Variants in EPHA6 observed in about 807,000 individuals in gnomAD.
The protein encoded by EPHA6 is ephrin type-A receptor 6.
Under a neutral mutation model 112.0 loss-of-function variants are expected in EPHA6, and 50 were observed. That is an observed-to-expected ratio of 0.45 (90% CI 0.36 to 0.56). EPHA6 has a LOEUF of 0.56. EPHA6 is among the 20% of genes least tolerant of loss of function. EPHA6 has a pLI of 0.00. For missense variants in EPHA6, 1,280 were observed against 1,417.4 expected (o/e 0.90, Z 1.56); for synonymous variants, 529 against 490.7 (o/e 1.08, Z -1.03).
At chr3:97,209,924 T>G (rs542773317) in intron 3 of EPHA6, among the ~76,000 whole-genome samples, 2 of 152,304 alleles carry the variant, frequency 1.3e-5, no homozygotes, top group African/African-American at 4.8e-5. Flanking sequence ...TCTTACTTAT[T>G]TTTTACAGAA....
chr3:97,465,773 A>G (rs2091030421), intron 7 of EPHA6, among the ~76,000 whole-genome samples: 1 of 152,028 alleles, frequency 6.6e-6, no homozygotes, highest in South Asian at 2.1e-4. Flanking sequence ...ACTGATGCCA[A>G]ATAAAGGACA....
chr3:97,443,100 T>C (rs2090195232), intron 6 of EPHA6, among the ~76,000 whole-genome samples: 1 of 152,086 alleles, frequency 6.6e-6, no homozygotes, highest in African/African-American at 2.4e-5. Context: ...TCGTTTATTT[T>C]TGTTTATTTT....
chr3:97,463,858 G>A (rs1937835655), intron 7 of EPHA6, among the ~76,000 whole-genome samples: 1 of 152,068 alleles, frequency 6.6e-6, no homozygotes, highest in South Asian at 2.1e-4. Context: ...CTGTTAGCCA[G>A]GAACTTAAAA....
At chr3:97,619,524 T>A (rs11922979) in intron 13 of EPHA6, among the ~76,000 whole-genome samples, 6,551 of 151,952 alleles carry the variant, frequency 0.043, 598 homozygotes, top group East Asian at 0.4. Context: ...AAGCCCATTG[T>A]CTCAGCCCAA....
chr3:96,970,078 G>T (rs1254532106), intron 2 of EPHA6, among the ~76,000 whole-genome samples: 1 of 151,926 alleles, frequency 6.6e-6, no homozygotes, highest in Non-Finnish European at 1.5e-5. Context: ...AAAGATAAGT[G>T]ATTTTATTGA....
At chr3:97,404,196 T>G (rs2087179739) in intron 5 of EPHA6, among the ~76,000 whole-genome samples, 1 of 152,170 alleles carries the variant, frequency 6.6e-6, no homozygotes, top group African/African-American at 2.4e-5. Flanking sequence ...TATAAATAAA[T>G]ACATAATTTT....
intron 13 of EPHA6, among the ~76,000 whole-genome samples, chr3:97,617,623 G>A (rs1287761532): frequency 6.6e-6 from 1 of 152,040 alleles, no homozygotes; most frequent in African/African-American, 2.4e-5. Context: ...AAAAACCAGG[G>A]TTGCCATCCC....
intron 3 of EPHA6, among the ~76,000 whole-genome samples, chr3:97,060,082 T>C (rs4857235): frequency 0.42 from 64,490 of 151,996 alleles, 16,496 homozygotes; most frequent in African/African-American, 0.72. Context: ...GATCACACCA[T>C]TGCACTCAAG....
intron 2 of EPHA6, among the ~76,000 whole-genome samples, chr3:96,940,924 G>A (rs950924125): frequency 1.3e-5 from 2 of 152,176 alleles, no homozygotes; most frequent in Admixed American, 1.3e-4. Context: ...TTGGATATTA[G>A]TCCCCACTCT....
At chr3:97,381,554 C>A (rs1163864316) in intron 5 of EPHA6, among the ~76,000 whole-genome samples, 3 of 152,016 alleles carry the variant, frequency 2.0e-5, no homozygotes, top group Admixed American at 6.6e-5. Context: ...ACATCACATG[C>A]GGAAAAGTTA....
intron 6 of EPHA6, among the ~76,000 whole-genome samples, chr3:97,435,768 G>C (rs887381707): frequency 1.3e-5 from 2 of 151,932 alleles, no homozygotes; most frequent in African/African-American, 4.8e-5. Flanking sequence ...TTTCCAATTT[G>C]ATTTTAAAAC....
intron 12 of EPHA6, among the ~76,000 whole-genome samples, chr3:97,599,957 T>C (rs1416660522): frequency 1.3e-5 from 2 of 152,164 alleles, no homozygotes; most frequent in African/African-American, 2.4e-5. Context: ...CAGTGGTTTG[T>C]AGTTCTCCTT....
At chr3:97,453,712 AT>A (rs2090595119) in intron 7 of EPHA6, among the ~76,000 whole-genome samples, 1 of 151,738 alleles carries the variant, frequency 6.6e-6, no homozygotes, top group Non-Finnish European at 1.5e-5. Flanking sequence ...CCACTTAATT[AT>A]TTTGAAAATA....
At chr3:97,513,813 A>G (rs2107599084) in intron 10 of EPHA6, among the ~76,000 whole-genome samples, 1 of 152,242 alleles carries the variant, frequency 6.6e-6, no homozygotes, top group East Asian at 1.9e-4. Flanking sequence ...TATAAACATC[A>G]CACTATGCCC....
chr3:97,327,572 C>T (rs759066873), intron 5 of EPHA6, among the ~76,000 whole-genome samples: 2 of 151,440 alleles, frequency 1.3e-5, no homozygotes, highest in African/African-American at 4.8e-5. Flanking sequence ...TGGACAGTAC[C>T]AACACTGCAA....
intron 4 of EPHA6, among the ~76,000 whole-genome samples, chr3:97,242,769 CAG>C (rs1203442030): frequency 6.6e-6 from 1 of 151,724 alleles, no homozygotes; most frequent in Non-Finnish European, 1.5e-5. Flanking sequence ...ACGCTCTAAG[CAG>C]AGTTTCTTGG....
At chr3:97,311,433 A>G (rs1339136548) in intron 5 of EPHA6, among the ~76,000 whole-genome samples, 1 of 138,402 alleles carries the variant, frequency 7.2e-6, no homozygotes, top group Admixed American at 7.5e-5. Context: ...CATCATTTGG[A>G]TTACACTTTC....
chr3:97,696,856 G>C (rs1429378845), intron 14 of EPHA6, among the ~76,000 whole-genome samples: 1 of 152,192 alleles, frequency 6.6e-6, no homozygotes, highest in Admixed American at 6.5e-5. Context: ...AAGACCCACT[G>C]TTGGGAAAGC....
chr3:97,444,349 C>G (rs2090251472), intron 6 of EPHA6, among the ~76,000 whole-genome samples: 1 of 152,020 alleles, frequency 6.6e-6, no homozygotes, highest in African/African-American at 2.4e-5. Flanking sequence ...AATCTATTCC[C>G]ATAAATGGAA....
Sources: allele counts gnomAD v4.1 joint callset (sites outside exome capture counted in the v4.1 genomes callset), GRCh38; gene constraint gnomAD v4.1.1; transcripts MANE v1.5; gene names NCBI Gene and HGNC (gene_info 2026-07-23, HGNC 2026-07-21).